SAMD12: variants seen among roughly 807,000 people sequenced by gnomAD.
The protein encoded by SAMD12 is sterile alpha motif domain containing 12.
SAMD12 carries 9 observed loss-of-function variants against 15.0 expected under a neutral mutation model. The ratio of observed to expected loss-of-function variants is 0.60; its 90% confidence interval spans 0.36 to 1.05. The LOEUF (loss-of-function observed/expected upper bound fraction) is 1.05. Ranked by LOEUF, SAMD12 falls within the 50% of genes least tolerant of loss-of-function variation. SAMD12 has a pLI of 0.01. For synonymous variants in SAMD12, 86 were observed against 90.1 expected (o/e 0.96, Z 0.25); for missense variants, 230 against 234.2 (o/e 0.98, Z 0.12).
chr8:118,528,460 T>G (rs998726500), intron 2 of SAMD12, among the ~76,000 whole-genome samples: 2 of 152,276 alleles, frequency 1.3e-5, no homozygotes, highest in Non-Finnish European at 2.9e-5. Context: ...CTGGTCCACA[T>G]GTTTTTTAAA....
At chr8:118,252,751 G>A (rs1812848868) in intron 4 of SAMD12, among the ~76,000 whole-genome samples, 1 of 151,972 alleles carries the variant, frequency 6.6e-6, no homozygotes, top group African/African-American at 2.4e-5. Flanking sequence ...CCTATTATGG[G>A]CAGTGAGTGT....
chr8:118,527,498 A>T (rs556105174), intron 2 of SAMD12, among the ~76,000 whole-genome samples: 1 of 152,350 alleles, frequency 6.6e-6, no homozygotes, highest in South Asian at 2.1e-4. Context: ...ACAATTTTAT[A>T]ATCAGCAGTG....
At chr8:118,142,891 T>C in the SAMD12 span, among the ~76,000 whole-genome samples, 3 of 152,200 alleles carry the variant, frequency 2.0e-5, no homozygotes, top group Admixed American at 1.3e-4. Flanking sequence ...AGACTTGGTT[T>C]GCCTAGAGCA....
intron 4 of SAMD12, among the ~76,000 whole-genome samples, chr8:118,266,111 G>A (rs905110574): frequency 2.0e-5 from 3 of 152,088 alleles, no homozygotes; most frequent in Admixed American, 2.0e-4. Context: ...ACAGAGTGGT[G>A]AGTGAAAGTA....
At chr8:118,244,804 A>G (rs1563712916) in intron 4 of SAMD12, among the ~76,000 whole-genome samples, 1 of 152,074 alleles carries the variant, frequency 6.6e-6, no homozygotes, top group African/African-American at 2.4e-5. Context: ...GAAAACTAGG[A>G]AAGGAGAAGG....
intron 4 of SAMD12, among the ~76,000 whole-genome samples, chr8:118,251,893 C>T (rs773457590): frequency 9.9e-5 from 15 of 151,066 alleles, no homozygotes; most frequent in Non-Finnish European, 1.8e-4. Context: ...GAGTCTTCCT[C>T]GGGGAAACAA....
At chr8:118,300,251 A>C (rs1432709352) in intron 4 of SAMD12, among the ~76,000 whole-genome samples, 3 of 152,150 alleles carry the variant, frequency 2.0e-5, no homozygotes, top group Non-Finnish European at 4.4e-5. Flanking sequence ...GAACACTAGA[A>C]CTTATTCATC....
intron 4 of SAMD12, among the ~76,000 whole-genome samples, chr8:118,220,385 G>A (rs1170821359): frequency 6.6e-6 from 1 of 152,126 alleles, no homozygotes; most frequent in Non-Finnish European, 1.5e-5. Context: ...TGACTTCTGT[G>A]ACTGTTAGGT....
At chr8:118,352,654 G>A (rs1414429970) in intron 4 of SAMD12, among the ~76,000 whole-genome samples, 2 of 152,178 alleles carry the variant, frequency 1.3e-5, no homozygotes, top group African/African-American at 4.8e-5. Flanking sequence ...AACCGTGTTT[G>A]AGAAAATAAT....
In SAMD12 at chr8:118,586,496, C is replaced by T. The variant is rs376345751; in HGVS notation, c.14-5603G>A. ...TAGCTGTGACTACAGGTGTGCACCA[C>T]CACACCCAGCTAATTTTTGTATTAT... On this transcript the variant is annotated intron_variant, in intron 1 of 3. Coordinates refer to ENST00000314727, the MANE Select transcript of SAMD12 (RefSeq NM_207506.3). 3.9e-5 allele frequency among the ~76,000 whole-genome samples: 6 copies of T among 152,090 alleles called. No homozygotes were observed. The South Asian group carries it at 1.2e-3, about 32-fold the overall frequency.
intron 4 of SAMD12, among the ~76,000 whole-genome samples, chr8:118,370,340 T>G (rs1229438321): frequency 6.6e-6 from 1 of 152,178 alleles, no homozygotes; most frequent in East Asian, 1.9e-4. Context: ...TTGGTGGGAA[T>G]GCAAATTAGT....
chr8:118,344,594 G>A (rs911116984), intron 4 of SAMD12, among the ~76,000 whole-genome samples: 2 of 152,132 alleles, frequency 1.3e-5, no homozygotes, highest in Non-Finnish European at 2.9e-5. Context: ...TCTGGAAATG[G>A]AAACAACAGA....
chr8:118,545,493 G>A (rs1455561853), intron 2 of SAMD12, among the ~76,000 whole-genome samples: 1 of 151,928 alleles, frequency 6.6e-6, no homozygotes. Flanking sequence ...CAAAAAACAA[G>A]AATCCCAGGC....
intron 2 of SAMD12, among the ~76,000 whole-genome samples, chr8:118,579,364 T>C (rs933571434): frequency 1.3e-5 from 2 of 152,194 alleles, no homozygotes; most frequent in Non-Finnish European, 2.9e-5. Flanking sequence ...CAGGGTTCAC[T>C]CATTTCCAAT....
chr8:118,269,252 G>A (rs1195373895), intron 4 of SAMD12, among the ~76,000 whole-genome samples: 5 of 149,240 alleles, frequency 3.4e-5, no homozygotes, highest in Non-Finnish European at 6.0e-5. Context: ...GTGTGTGTGT[G>A]TGTGTGTGTA....
intron 4 of SAMD12, among the ~76,000 whole-genome samples, chr8:118,222,393 C>T (rs1401756053): frequency 1.3e-5 from 2 of 152,112 alleles, no homozygotes; most frequent in African/African-American, 2.4e-5. Context: ...GTGTCATGAA[C>T]CTCTGTGAAG....
At chr8:118,474,444 G>A (rs1586746567) in intron 2 of SAMD12, among the ~76,000 whole-genome samples, 1 of 151,852 alleles carries the variant, frequency 6.6e-6, no homozygotes, top group Non-Finnish European at 1.5e-5. Flanking sequence ...GCAATGGTGC[G>A]ATCTCAGCTC....
chr8:118,419,936 G>C (rs1283541000), intron 3 of SAMD12, among the ~76,000 whole-genome samples: 3 of 152,322 alleles, frequency 2.0e-5, no homozygotes, highest in Admixed American at 2.0e-4. Context: ...GAAAGATGCT[G>C]AAAATTTAAT....
chr8:118,515,074 G>GGTGGC (rs1454941707), intron 2 of SAMD12, among the ~76,000 whole-genome samples: 2 of 151,934 alleles, frequency 1.3e-5, no homozygotes, highest in African/African-American at 4.8e-5. Flanking sequence ...GCTGCAGTGC[G>GGTGGC]GTGGCGTGAT....
Sources: gnomAD v4.1 joint callset for allele counts (sites outside exome capture counted in the v4.1 genomes callset) on GRCh38, gnomAD v4.1.1 for gene constraint, MANE v1.5 for transcripts, NCBI Gene and HGNC (gene_info 2026-07-23, HGNC 2026-07-21) for gene names.